The following RBFOX1 variants were observed in gnomAD, a reference collection of about 807,000 sequenced individuals.
RBFOX1 encodes RNA binding fox-1 homolog 1, also known as RNA binding protein fox-1 homolog 1.
RBFOX1 carries 8 observed loss-of-function variants against 57.7 expected under a neutral mutation model. The observed-to-expected ratio is 0.14, with a 90% confidence interval of 0.08 to 0.25. The LOEUF is 0.25. Among genes scored for constraint, RBFOX1 ranks in the 10% least tolerant of loss-of-function variants. RBFOX1 has a pLI of 1.00. For missense variants in RBFOX1, 611 were observed against 548.5 expected (o/e 1.11, Z -1.14); for synonymous variants, 326 against 222.4 (o/e 1.47, Z -4.15).
chr16:7,241,784 A>C (rs566994532), intron 4 of RBFOX1, among the ~76,000 whole-genome samples: 10 of 151,922 alleles, frequency 6.6e-5, no homozygotes, highest in African/African-American at 1.9e-4. Flanking sequence ...TTTCTCTTTC[A>C]ATCTGTCTAT....
intron 2 of RBFOX1, among the ~76,000 whole-genome samples, chr16:6,614,520 C>T (rs1601581548): frequency 6.6e-6 from 1 of 152,312 alleles, no homozygotes; most frequent in South Asian, 2.1e-4. Context: ...CCTGAGGCTG[C>T]TGTAACTGAG....
At chr16:6,879,596 A>G (rs1394274982) in intron 3 of RBFOX1, among the ~76,000 whole-genome samples, 2 of 152,212 alleles carry the variant, frequency 1.3e-5, no homozygotes, top group Admixed American at 1.3e-4. Flanking sequence ...TAAAGCCAGT[A>G]TCATCCACTA....
intron 9 of RBFOX1, 78 bp downstream of exon 9, chr16:7,597,509 C>G: frequency 7.6e-7 from 1 of 1,317,460 alleles, no homozygotes; most frequent in East Asian, 2.4e-5. Context: ...GATTCTATTA[C>G]AACAAGCTGT....
chr16:6,674,298 G>A (rs546683126), intron 3 of RBFOX1, among the ~76,000 whole-genome samples: 1 of 152,138 alleles, frequency 6.6e-6, no homozygotes, highest in South Asian at 2.1e-4. Flanking sequence ...TAAAACCAAT[G>A]ACTGGGTTCT....
At chr16:7,293,090 T>C (rs2095825175) in intron 4 of RBFOX1, among the ~76,000 whole-genome samples, 1 of 152,154 alleles carries the variant, frequency 6.6e-6, no homozygotes. Flanking sequence ...TTTTCAAGGA[T>C]GTGATAGATA....
At chr16:5,739,701 A>G (rs1190633378) in intron 3 of RBFOX1, among the ~76,000 whole-genome samples, 1 of 152,198 alleles carries the variant, frequency 6.6e-6, no homozygotes, top group Non-Finnish European at 1.5e-5. Context: ...TCTTAGAGCC[A>G]ACAGAAAGGC....
chr16:6,641,204 C>T (rs367907609), intron 2 of RBFOX1, among the ~76,000 whole-genome samples: 7 of 152,200 alleles, frequency 4.6e-5, no homozygotes, highest in East Asian at 3.9e-4. Flanking sequence ...TGGCTGTTTA[C>T]GCTTCACCGA....
chr16:6,738,388 C>G (rs1262205103), intron 3 of RBFOX1, among the ~76,000 whole-genome samples: 1 of 152,038 alleles, frequency 6.6e-6, no homozygotes, highest in Admixed American at 6.6e-5. Context: ...ACCTGTCATT[C>G]TGAGTATAGA....
At chr16:7,583,108 G>A (rs2093900653) in intron 6 of RBFOX1, among the ~76,000 whole-genome samples, 2 of 150,126 alleles carry the variant, frequency 1.3e-5, no homozygotes, top group South Asian at 2.1e-4. Flanking sequence ...CTCATTGGAA[G>A]CATTTGTTCC....
chr16:7,040,476 T>A (rs2045810398), intron 3 of RBFOX1, among the ~76,000 whole-genome samples: 1 of 152,222 alleles, frequency 6.6e-6, no homozygotes, highest in African/African-American at 2.4e-5. Flanking sequence ...TATGAATTTA[T>A]AAAACTGATG....
At chr16:6,570,172 A>C (rs942015432) in intron 2 of RBFOX1, among the ~76,000 whole-genome samples, 7 of 152,204 alleles carry the variant, frequency 4.6e-5, no homozygotes, top group Non-Finnish European at 8.8e-5. Context: ...GGAAACTTCA[A>C]GTGTTCTACA....
intron 3 of RBFOX1, among the ~76,000 whole-genome samples, chr16:6,957,677 C>A (rs1241022919): frequency 6.6e-6 from 1 of 152,058 alleles, no homozygotes; most frequent in Non-Finnish European, 1.5e-5. Flanking sequence ...ACTTAGAATG[C>A]CTTAACCTCA....
chr16:6,469,763 A>C (rs137980314), intron 2 of RBFOX1, among the ~76,000 whole-genome samples: 2 of 152,182 alleles, frequency 1.3e-5, no homozygotes, highest in Non-Finnish European at 2.9e-5. Context: ...GCTTCCTGCA[A>C]AAGGAATATT....
intron 2 of RBFOX1, among the ~76,000 whole-genome samples, chr16:6,475,087 A>T (rs1465806596): frequency 6.6e-6 from 1 of 152,220 alleles, no homozygotes; most frequent in Non-Finnish European, 1.5e-5. Flanking sequence ...TATATGCAGT[A>T]GAAAATGTCT....
intron 3 of RBFOX1, among the ~76,000 whole-genome samples, chr16:6,784,457 GA>G (rs1160835486): frequency 1.3e-5 from 2 of 151,946 alleles, no homozygotes; most frequent in East Asian, 1.9e-4. Flanking sequence ...ATTTCTGTTT[GA>G]TTTTTTTGTT....
intron 4 of RBFOX1, among the ~76,000 whole-genome samples, chr16:5,991,572 C>A (rs181366025): frequency 6.6e-6 from 1 of 151,634 alleles, no homozygotes; most frequent in South Asian, 2.1e-4. Flanking sequence ...ACTCAATGAT[C>A]GCAGTGGAGC....
At chr16:6,885,064 C>T (rs572105048) in intron 3 of RBFOX1, among the ~76,000 whole-genome samples, 3 of 152,272 alleles carry the variant, frequency 2.0e-5, no homozygotes, top group East Asian at 1.9e-4. Context: ...ATGAAATCTC[C>T]TGCAGAAACT....
chr16:7,071,402 C>G (rs79213738), intron 4 of RBFOX1, among the ~76,000 whole-genome samples: 2 of 152,014 alleles, frequency 1.3e-5, no homozygotes, highest in East Asian at 3.9e-4. Context: ...GTATTATTAC[C>G]CCTCCTAGCC....
chr16:6,581,913 T>A (rs1287664170), intron 2 of RBFOX1, among the ~76,000 whole-genome samples: 1 of 152,222 alleles, frequency 6.6e-6, no homozygotes, highest in African/African-American at 2.4e-5. Flanking sequence ...GCCCTAGGCA[T>A]TCATATAAAC....
Sources: gnomAD v4.1 joint callset for allele counts (sites outside exome capture counted in the v4.1 genomes callset) on GRCh38, gnomAD v4.1.1 for gene constraint, MANE v1.5 for transcripts, NCBI Gene and HGNC (gene_info 2026-07-23, HGNC 2026-07-21) for gene names.